The following DLGAP2 variants were observed in gnomAD, a reference collection of about 807,000 sequenced individuals.
The protein encoded by DLGAP2 is disks large-associated protein 2.
DLGAP2 carries 26 observed loss-of-function variants against 100.3 expected under a neutral mutation model. That is an observed-to-expected ratio of 0.26 (90% CI 0.19 to 0.36). The LOEUF is 0.36. Among genes scored for constraint, DLGAP2 ranks in the 10% least tolerant of loss-of-function variants. The probability of loss-of-function intolerance (pLI) is 1.00; values close to 1 mark genes in which losing one functional copy is unlikely to be tolerated. For missense variants in DLGAP2, 1,858 were observed against 1,453.2 expected (o/e 1.28, Z -4.53); for synonymous variants, 886 against 630.1 (o/e 1.41, Z -6.08).
chr8:828,325 G>C (rs192616663), intron 1 of DLGAP2, among the ~76,000 whole-genome samples: 6,971 of 150,306 alleles, frequency 0.046, 256 homozygotes, highest in African/African-American at 0.1. Context: ...GGTACGCCCC[G>C]GGGGGGCCAG....
intron 6 of DLGAP2, among the ~76,000 whole-genome samples, chr8:1,588,454 A>G (rs551498660): frequency 2.6e-5 from 4 of 152,330 alleles, no homozygotes; most frequent in African/African-American, 7.2e-5. Flanking sequence ...AGTAAAGACA[A>G]TGTGTTCTAT....
intron 3 of DLGAP2, among the ~76,000 whole-genome samples, chr8:1,495,133 G>A (rs746007171): frequency 4.6e-5 from 7 of 152,178 alleles, no homozygotes; most frequent in Non-Finnish European, 7.3e-5. Context: ...AAGATCAGAC[G>A]GGGGCCAGCG....
intron 3 of DLGAP2, among the ~76,000 whole-genome samples, chr8:1,408,793 C>T (rs973747156): frequency 4.6e-5 from 7 of 152,030 alleles, no homozygotes; most frequent in Non-Finnish European, 1.0e-4. Context: ...AGAGACCCTT[C>T]GTCTGTCACT....
chr8:1,092,311 TC>T lies in DLGAP2; in HGVS notation c.74-166539del, dbSNP rs1804211857. ...TGCCGGGCTGGCACCTCCACAGCCCTCTGCTGATGTGCAATATGTGTGCTTG... is the reference window on the plus strand; with the variant it reads ...TGCCGGGCTGGCACCTCCACAGCCCTTGCTGATGTGCAATATGTGTGCTTG... On this transcript the variant is annotated intron_variant, in intron 2 of 14. Transcript: ENST00000637795. Among the ~76,000 whole-genome samples the T allele has an allele frequency of 3.3e-5, 5 of 152,360 alleles. No individual in the cohort carries two copies. The South Asian group carries it at 1.0e-3, about 32-fold the overall frequency.
chr8:871,731 T>G (rs979189085), intron 1 of DLGAP2, among the ~76,000 whole-genome samples: 2 of 152,128 alleles, frequency 1.3e-5, no homozygotes, highest in African/African-American at 4.8e-5. Context: ...GAAGTACTTC[T>G]GGTCCCACGC....
chr8:1,652,935 G>C (rs1798200647), intron 8 of DLGAP2, among the ~76,000 whole-genome samples: 2 of 152,172 alleles, frequency 1.3e-5, no homozygotes, highest in African/African-American at 4.8e-5. Context: ...TATCTTGCCA[G>C]CCTCTCCGGT....
At chr8:1,120,521 C>T (rs1170551197) in intron 2 of DLGAP2, among the ~76,000 whole-genome samples, 1 of 152,066 alleles carries the variant, frequency 6.6e-6, no homozygotes, top group African/African-American at 2.4e-5. Flanking sequence ...GAACCCACAG[C>T]TACCCAGCTG....
intron 2 of DLGAP2, among the ~76,000 whole-genome samples, chr8:1,152,354 C>T (rs1028700634): frequency 6.6e-6 from 1 of 152,164 alleles, no homozygotes; most frequent in African/African-American, 2.4e-5. Flanking sequence ...CTAGAACTAC[C>T]ATCATTAAAA....
chr8:1,224,294 G>T (rs898295712), intron 2 of DLGAP2, among the ~76,000 whole-genome samples: 8 of 152,186 alleles, frequency 5.3e-5, no homozygotes, highest in African/African-American at 1.9e-4. Context: ...TCATATAAGA[G>T]ACATAATTGA....
At chr8:1,572,854 G>A in intron 6 of DLGAP2, among the ~76,000 whole-genome samples, 1 of 109,656 alleles carries the variant, frequency 9.1e-6, no homozygotes. Context: ...AGAGGAGAGA[G>A]GGTTGAACTG....
intron 7 of DLGAP2, among the ~76,000 whole-genome samples, chr8:1,628,718 A>G (rs1025038249): frequency 2.9e-5 from 4 of 137,914 alleles, no homozygotes; most frequent in African/African-American, 1.2e-4. Flanking sequence ...GTGGAGCAGG[A>G]ATTAAGAGCC....
chr8:1,343,088 G>C (rs1323049282), intron 3 of DLGAP2, among the ~76,000 whole-genome samples: 2 of 152,218 alleles, frequency 1.3e-5, no homozygotes, highest in Non-Finnish European at 2.9e-5. Context: ...ACACTGGCCA[G>C]TCCTTAGTAG....
intron 3 of DLGAP2, among the ~76,000 whole-genome samples, chr8:1,261,473 G>C (rs1165536712): frequency 4.7e-5 from 7 of 150,250 alleles, no homozygotes; most frequent in African/African-American, 1.7e-4. Flanking sequence ...TTTAAAACGA[G>C]ACAGACTGTA....
chr8:1,357,317 T>C (rs866527171), intron 3 of DLGAP2, among the ~76,000 whole-genome samples: 1 of 152,010 alleles, frequency 6.6e-6, no homozygotes, highest in Middle Eastern at 3.4e-3. Flanking sequence ...GACTGGCTAG[T>C]GGATGGCCAG....
chr8:1,146,576 T>A (rs1055639923), intron 2 of DLGAP2, among the ~76,000 whole-genome samples: 2 of 128,176 alleles, frequency 1.6e-5, no homozygotes, highest in African/African-American at 5.3e-5. Flanking sequence ...CATGTGTGTG[T>A]ATGCACATGT....
intron 2 of DLGAP2, among the ~76,000 whole-genome samples, chr8:1,069,046 TC>T (rs1803346585): frequency 6.6e-6 from 1 of 152,084 alleles, no homozygotes; most frequent in Non-Finnish European, 1.5e-5. Flanking sequence ...ACATTAAAAA[TC>T]CCCGGCTGAA....
At chr8:829,392 A>G (rs1563053230) in intron 1 of DLGAP2, among the ~76,000 whole-genome samples, 1 of 152,178 alleles carries the variant, frequency 6.6e-6, no homozygotes, top group Non-Finnish European at 1.5e-5. Flanking sequence ...TTTCTCAAGG[A>G]AAGAGAACAC....
At chr8:1,421,847 C>T (rs953840761) in intron 3 of DLGAP2, among the ~76,000 whole-genome samples, 3 of 152,022 alleles carry the variant, frequency 2.0e-5, no homozygotes, top group African/African-American at 4.8e-5. Context: ...GCCTGTAATC[C>T]CAGCTACTCA....
At chr8:1,348,832 C>A (rs1205653587) in intron 3 of DLGAP2, among the ~76,000 whole-genome samples, 1 of 152,226 alleles carries the variant, frequency 6.6e-6, no homozygotes, top group African/African-American at 2.4e-5. Flanking sequence ...CAGTATCAGT[C>A]CCCACCTCAC....
Sources: gnomAD v4.1 joint callset for allele counts (sites outside exome capture counted in the v4.1 genomes callset) on GRCh38, gnomAD v4.1.1 for gene constraint, MANE v1.5 for transcripts, NCBI Gene and HGNC (gene_info 2026-07-23, HGNC 2026-07-21) for gene names.